Variants in CSMD1 observed in about 807,000 individuals in gnomAD.
CSMD1 encodes CUB and sushi domain-containing protein 1.
Under a neutral mutation model 417.5 loss-of-function variants are expected in CSMD1, and 213 were observed. That is an observed-to-expected ratio of 0.51 (90% confidence interval 0.46 to 0.57). The LOEUF (loss-of-function observed/expected upper bound fraction) is 0.57. Ranked by LOEUF, CSMD1 falls within the 20% of genes least tolerant of loss-of-function variation. The pLI is 0.00. For missense variants in CSMD1, 6,923 were observed against 4,529.7 expected, an observed-to-expected ratio of 1.53 and a Z score of -15.17; for synonymous variants, 2,862 against 1,736.8, an observed-to-expected ratio of 1.65 and a Z score of -16.11.
intron 3 of CSMD1, among the ~76,000 whole-genome samples, chr8:4,047,826 G>T (rs891404217): frequency 1.6e-4 from 25 of 151,920 alleles, no homozygotes; most frequent in African/African-American, 5.6e-4. Context: ...CAATAAGAAA[G>T]TGGCATTGAA....
At chr8:3,408,891 T>A (rs1812513723) in intron 13 of CSMD1, among the ~76,000 whole-genome samples, 1 of 152,210 alleles carries the variant, frequency 6.6e-6, no homozygotes, top group Non-Finnish European at 1.5e-5. Flanking sequence ...TACACACTTT[T>A]CAGCCTTTGC....
At chr8:4,991,757 A>G (rs1329401268) in intron 1 of CSMD1, among the ~76,000 whole-genome samples, 7 of 152,136 alleles carry the variant, frequency 4.6e-5, no homozygotes, top group South Asian at 2.1e-4. Context: ...CGCCGCCCCA[A>G]TGGCCAGAGC....
At chr8:4,289,185 C>T (rs1700107) in intron 3 of CSMD1, among the ~76,000 whole-genome samples, 32 of 152,070 alleles carry the variant, frequency 2.1e-4, no homozygotes, top group African/African-American at 4.3e-4. Context: ...AACAGTTTAT[C>T]GGACAAATAC....
rs1221454141 is a variant in CSMD1, at chr8:3,022,422, C to G, written c.7856-3772G>C. On this transcript the variant is annotated intron_variant, in intron 51 of 69. Coordinates refer to ENST00000635120, the MANE Select transcript of CSMD1 (RefSeq NM_033225.6). The stretch of plus-strand genomic sequence containing the variant: ...GAATGCACGTGCAATCCCACATCGA[C>G]AGCGTGTTTTCTCACTGTCCCTGGG... Among the ~76,000 whole-genome samples, 12 of 152,370 alleles carry G rather than the reference C, an allele frequency of 7.9e-5. No individual in the cohort carries two copies. In the South Asian group the frequency reaches 2.3e-3, roughly 29 times the overall value.
At chr8:4,654,303 T>C (rs201688696) in intron 1 of CSMD1, among the ~76,000 whole-genome samples, 3 of 152,210 alleles carry the variant, frequency 2.0e-5, no homozygotes, top group African/African-American at 7.2e-5. Context: ...GGAAAGGATA[T>C]AAATGGTTCA....
At chr8:3,439,281 G>GTATATATATATATA (rs1168340584) in intron 12 of CSMD1, among the ~76,000 whole-genome samples, 40 of 54,302 alleles carry the variant, frequency 7.4e-4, no homozygotes, top group South Asian at 2.3e-3. Flanking sequence ...GGCAATGTCA[G>GTATATATATATATA]TATATATATA....
chr8:3,177,382 G>A (rs1821008219), intron 37 of CSMD1, among the ~76,000 whole-genome samples: 1 of 152,196 alleles, frequency 6.6e-6, no homozygotes, highest in South Asian at 2.1e-4. Flanking sequence ...GAAACACCAT[G>A]CATGTCCCTG....
chr8:3,110,515 A>T (rs973308678), intron 42 of CSMD1, among the ~76,000 whole-genome samples, 180 bp from the exon 43 acceptor site: 1 of 152,236 alleles, frequency 6.6e-6, no homozygotes, highest in Non-Finnish European at 1.5e-5. Context: ...CCTTAGAAGA[A>T]TTATACGTCT....
intron 6 of CSMD1, among the ~76,000 whole-genome samples, chr8:3,737,472 A>G (rs1796582482): frequency 6.6e-6 from 1 of 152,248 alleles, no homozygotes; most frequent in Non-Finnish European, 1.5e-5. Flanking sequence ...AAATGCCATC[A>G]TCTTGCTCTC....
At chr8:3,991,158 G>C (rs1330306302) in intron 5 of CSMD1, among the ~76,000 whole-genome samples, 1 of 152,230 alleles carries the variant, frequency 6.6e-6, no homozygotes, top group Non-Finnish European at 1.5e-5. Flanking sequence ...AGACATTGTG[G>C]AGAGGGTGCC....
intron 56 of CSMD1, among the ~76,000 whole-genome samples, chr8:2,973,861 G>C (rs187002461): frequency 6.7e-6 from 1 of 150,198 alleles, no homozygotes. Flanking sequence ...GATGATGGTA[G>C]AGGATGGTGG....
chr8:4,647,123 C>A (rs577923644), intron 1 of CSMD1, among the ~76,000 whole-genome samples: 1 of 151,914 alleles, frequency 6.6e-6, no homozygotes, highest in Non-Finnish European at 1.5e-5. Flanking sequence ...TCCAACAAGT[C>A]AAATTTAAAT....
intron 1 of CSMD1, among the ~76,000 whole-genome samples, chr8:4,803,597 T>C (rs922302637): frequency 6.6e-6 from 1 of 152,196 alleles, no homozygotes; most frequent in East Asian, 1.9e-4. Flanking sequence ...ACTATTGTTT[T>C]GTAGATCTTA....
At chr8:3,936,565 G>T (rs1810513793) in intron 5 of CSMD1, among the ~76,000 whole-genome samples, 1 of 152,156 alleles carries the variant, frequency 6.6e-6, no homozygotes, top group South Asian at 2.1e-4. Flanking sequence ...AAGCCGGGAA[G>T]ATAGCACATC....
intron 1 of CSMD1, among the ~76,000 whole-genome samples, chr8:4,788,847 A>G (rs1797547044): frequency 6.6e-6 from 1 of 152,240 alleles, no homozygotes; most frequent in South Asian, 2.1e-4. Context: ...TATGACACAG[A>G]AACTCTCCCT....
intron 1 of CSMD1, among the ~76,000 whole-genome samples, chr8:4,870,932 G>T (rs1466861832): frequency 3.3e-5 from 5 of 152,116 alleles, no homozygotes; most frequent in Non-Finnish European, 4.4e-5. Flanking sequence ...CACACTGCAG[G>T]GATGGAGCCT....
intron 2 of CSMD1, among the ~76,000 whole-genome samples, chr8:4,502,292 G>T (rs937641102): frequency 1.3e-5 from 2 of 151,934 alleles, no homozygotes; most frequent in Admixed American, 6.6e-5. Context: ...TAGATTCTCC[G>T]AGGCTCAGTC....
At chr8:4,101,872 A>G (rs778223788) in intron 3 of CSMD1, among the ~76,000 whole-genome samples, 6 of 152,182 alleles carry the variant, frequency 3.9e-5, no homozygotes, top group Non-Finnish European at 7.3e-5. Flanking sequence ...GCAATTGCCC[A>G]TCATCTTGTT....
At chr8:3,446,156 T>C (rs1815293321) in intron 12 of CSMD1, among the ~76,000 whole-genome samples, 1 of 152,078 alleles carries the variant, frequency 6.6e-6, no homozygotes, top group Non-Finnish European at 1.5e-5. Context: ...GAAATTGCCA[T>C]GGCCCCAGGG....
Sources: allele counts gnomAD v4.1 joint callset (sites outside exome capture counted in the v4.1 genomes callset), GRCh38; gene constraint gnomAD v4.1.1; transcripts MANE v1.5; gene names NCBI Gene and HGNC (gene_info 2026-07-23, HGNC 2026-07-21).